The following ANKRD11 variants were observed in gnomAD, a reference collection of about 807,000 sequenced individuals.
ANKRD11 encodes ankyrin repeat domain-containing protein 11.
Under a neutral mutation model 195.7 loss-of-function variants are expected in ANKRD11, and 17 were observed. The observed-to-expected ratio is 0.09, with a 90% CI of 0.06 to 0.13. ANKRD11 has a LOEUF of 0.13. Among genes scored for constraint, ANKRD11 ranks in the 10% least tolerant of loss-of-function variants. The pLI, the probability that ANKRD11 is intolerant of heterozygous loss-of-function variation, is 1.00. For synonymous variants in ANKRD11, 1,953 were observed against 1,528.1 expected, an observed-to-expected ratio of 1.28 and a Z score of -6.49; for missense variants, 3,735 against 3,566.1, an observed-to-expected ratio of 1.05 and a Z score of -1.21.
chr16:89,285,361 T>C lies in ANKRD11; in HGVS notation c.1181A>G (p.Asn394Ser), dbSNP rs1248760935. 6.2e-7 allele frequency: 1 copy of C among 1,614,086 alleles called. No individual in the cohort carries two copies. The highest frequency in any genetic ancestry group is 2.2e-5 in the East Asian group (1 of 44,876). ...CGCTTTCTTTGGTGCAATCGTGTTATTTTTAGTGTAACTTTTAACCTCCAT... is the reference window on the plus strand; with the variant it reads ...CGCTTTCTTTGGTGCAATCGTGTTACTTTTAGTGTAACTTTTAACCTCCAT... Reference protein sequence around the residue: ...PKMEVKSYTKNNTIAPKKASH... With the variant: ...PKMEVKSYTKSNTIAPKKASH... Residue 394 changes from asparagine to serine, a missense_variant, in exon 9 of 13, where the codon AAT (asparagine) becomes AGT (serine). Physicochemically the swap from Asn to Ser is conservative, Grantham distance 46. Transcript: ENST00000301030. The surrounding 1 kb of genome is among the most constrained non-coding windows in gnomAD (Gnocchi z 5.6).
chr16:89,278,508 G>T, intron 9 of ANKRD11: 1 of 456,288 alleles, frequency 2.2e-6, no homozygotes, highest in Non-Finnish European at 4.4e-6. Flanking sequence ...TAGGGATGAT[G>T]CCTGGGGAAC....
At chr16:89,337,997 G>A (rs1211388926) in intron 2 of ANKRD11, among the ~76,000 whole-genome samples, 1 of 152,182 alleles carries the variant, frequency 6.6e-6, no homozygotes, top group Non-Finnish European at 1.5e-5. Context: ...GCAACACAGT[G>A]ACCTGCCTCC....
chr16:89,291,626 G>A lies in ANKRD11; in HGVS notation c.227-443C>T, dbSNP rs1211240868. On this transcript the variant is annotated intron_variant, in intron 4 of 12. Transcript: ENST00000301030. The surrounding 1 kb of genome is among the most constrained non-coding windows in gnomAD (Gnocchi z 5.3). ...CTCCAAACAGTGCAGATATAAAATGGCAGACACAGTTTAAAACACATCAGT... is the reference window on the plus strand; with the variant it reads ...CTCCAAACAGTGCAGATATAAAATGACAGACACAGTTTAAAACACATCAGT... 1.6e-6 allele frequency: 2 copies of A among 1,223,252 alleles called. No homozygotes were observed. The highest frequency in any genetic ancestry group is 2.2e-6 in the Non-Finnish European group (2 of 927,512). 75.8% of individuals were successfully genotyped at this position (1,223,252 alleles called of 1,614,324 possible). A position where few individuals can be genotyped will look rare whatever the true frequency, so the allele number is the denominator to read the frequency against.
intron 1 of ANKRD11, among the ~76,000 whole-genome samples, chr16:89,471,475 T>C (rs1034074914): frequency 2.0e-5 from 3 of 151,884 alleles, no homozygotes; most frequent in African/African-American, 4.8e-5. Context: ...GGTAACAAAT[T>C]AGGCCACCAT....
chr16:89,320,866 G>A (rs2037275452), intron 2 of ANKRD11, among the ~76,000 whole-genome samples: 1 of 152,256 alleles, frequency 6.6e-6, no homozygotes, highest in East Asian at 1.9e-4. Context: ...GCAGCCCAGA[G>A]GGGCTCCACC....
At chr16:89,301,668 C>G (rs1567608852) in intron 4 of ANKRD11, 1 of 398,630 alleles carries the variant, frequency 2.5e-6, no homozygotes, top group African/African-American at 2.1e-5. Flanking sequence ...CTGTCACATG[C>G]TCACGTCTGC....
rs762574237 is a variant in ANKRD11, at chr16:89,280,679, C to T, written c.5863G>A (p.Glu1955Lys). 6 of 1,613,310 alleles carry T rather than the reference C, an allele frequency of 3.7e-6. No homozygotes were observed. Among genetic ancestry groups the T allele is most frequent in the Middle Eastern group, 1.7e-4 (1 of 6,060 alleles). The change falls in exon 9 of 13, where the codon GAG (glutamate) becomes AAG (lysine). Residue 1955 changes from glutamate to lysine, a missense_variant. Coordinates refer to ENST00000301030, the MANE Select transcript of ANKRD11 (RefSeq NM_013275.6). ...ATCAGGCTAGAGGCAAGCGCCTGCT[C>T]GGAGGGGTGGGCCCACTCAACGGGC... ...EEPVEWAHPS[E>K]QALASSLIGG...
At chr16:89,353,789 A>G (rs1325074242) in intron 2 of ANKRD11, among the ~76,000 whole-genome samples, 2 of 152,212 alleles carry the variant, frequency 1.3e-5, no homozygotes, top group African/African-American at 4.8e-5. Context: ...CTGGTCACAT[A>G]TCTTATGGAA....
chr16:89,422,926 A>G (rs1381867620), intron 1 of ANKRD11, among the ~76,000 whole-genome samples: 1 of 151,844 alleles, frequency 6.6e-6, no homozygotes, highest in Non-Finnish European at 1.5e-5. Context: ...CACTTTTTTC[A>G]ATCAGGAGAT....
chr16:89,332,324 A>G (rs1160826317), intron 2 of ANKRD11, among the ~76,000 whole-genome samples: 1 of 152,212 alleles, frequency 6.6e-6, no homozygotes, highest in Non-Finnish European at 1.5e-5. Context: ...AGCTCCGTGA[A>G]GTCCTGGGAT....
chr16:89,305,129 G>C, intron 4 of ANKRD11, 77 bp downstream of exon 4: 1 of 1,571,928 alleles, frequency 6.4e-7, no homozygotes, highest in South Asian at 1.1e-5. Context: ...GGAGGTGCGG[G>C]GGCCAGGGAC....
chr16:89,468,809 C>G (rs1023100883), intron 1 of ANKRD11, among the ~76,000 whole-genome samples: 1 of 152,170 alleles, frequency 6.6e-6, no homozygotes, highest in Non-Finnish European at 1.5e-5. Flanking sequence ...GATGTTGAAA[C>G]GTACAGGGCT....
chr16:89,468,370 G>A (rs1188464703), intron 1 of ANKRD11, among the ~76,000 whole-genome samples: 2 of 152,104 alleles, frequency 1.3e-5, no homozygotes, highest in Admixed American at 6.6e-5. Flanking sequence ...TGCACCCCTT[G>A]AACCCAGTCT....
chr16:89,273,291 G>A (rs2033344171), intron 11 of ANKRD11, among the ~76,000 whole-genome samples: 1 of 152,110 alleles, frequency 6.6e-6, no homozygotes, highest in South Asian at 2.1e-4. Flanking sequence ...TTTTTGCTCT[G>A]TACAGAGCTG....
Position 89,280,404 on chromosome 16 carries a change from G to T in ANKRD11, c.6138C>A (p.Ala2046=). 6.4e-7 allele frequency: 1 copy of T among 1,559,604 alleles called. No individual in the cohort carries two copies. ...DVKDGVDAVP[A]AISTSEAAPY... is the part of the protein sequence containing the mutation. ...GAGCCGCCTCTGAGGTGGAGATGGC[G>T]GCGGGGACGGCGTCCACTCCGTCCT... The change falls in exon 9 of 13, where the codon GCC becomes GCA. Residue 2046 remains alanine (A), a synonymous_variant. Coordinates refer to ENST00000301030, the MANE Select transcript of ANKRD11 (RefSeq NM_013275.6).
intron 11 of ANKRD11, 102 bp from the exon 12 acceptor site, chr16:89,271,011 A>G (rs1420588548): frequency 9.4e-7 from 1 of 1,062,310 alleles, no homozygotes; most frequent in East Asian, 2.5e-5. Flanking sequence ...TCAAGGGACA[A>G]CCACAGGGGG....
At chr16:89,417,584 C>G (rs954414926) in intron 2 of ANKRD11, among the ~76,000 whole-genome samples, 17 of 152,164 alleles carry the variant, frequency 1.1e-4, no homozygotes, top group African/African-American at 3.6e-4. Context: ...GAACCAGGCT[C>G]CCACTCCTTA....
rs545879070 is a variant in ANKRD11, at chr16:89,366,976, C to T, written c.-59-49898G>A. ...ACAGACCCACAGGCTGGATTAGGTC[C>T]GCTGATTGTGGTTTGCCAGCCCCTG... On this transcript the variant is annotated intron_variant, in intron 2 of 12. Transcript: ENST00000301030. Among the ~76,000 whole-genome samples, 25 of 152,342 alleles carry T rather than the reference C, an allele frequency of 1.6e-4. No individual in the cohort carries two copies. The South Asian group carries it at 5.2e-3, about 32-fold the overall frequency.
chr16:89,355,252 G>T (rs2039416748), intron 2 of ANKRD11, among the ~76,000 whole-genome samples: 1 of 150,842 alleles, frequency 6.6e-6, no homozygotes, highest in Admixed American at 6.6e-5. Flanking sequence ...CTCACACCCT[G>T]AGGCTCGGAA....
Sources: gnomAD v4.1 joint callset for allele counts (sites outside exome capture counted in the v4.1 genomes callset) on GRCh38, gnomAD v4.1.1 for gene constraint, Gnocchi (gnomAD v3.1) non-coding constraint, MANE v1.5 for transcripts, NCBI Gene and HGNC (gene_info 2026-07-23, HGNC 2026-07-21) for gene names.